Variants in IGBP1C observed in about 807,000 individuals in gnomAD.
The protein encoded by IGBP1C is immunoglobulin-binding protein 1 family member C.
At chr17:58,673,537 AT>A in the IGBP1C span, among the ~76,000 whole-genome samples, 2 of 149,104 alleles carry the variant, frequency 1.3e-5, no homozygotes, top group African/African-American at 5.0e-5. Flanking sequence ...ATTGTAACTT[AT>A]TTTTCTCTCT....
the IGBP1C span, among the ~76,000 whole-genome samples, chr17:58,687,795 T>G: frequency 6.6e-6 from 1 of 152,172 alleles, no homozygotes; most frequent in Non-Finnish European, 1.5e-5. Context: ...AGGTTAACTA[T>G]AGACATTAAC....
the IGBP1C span, among the ~76,000 whole-genome samples, chr17:58,689,847 ATT>A: frequency 0.15 from 20,571 of 141,120 alleles, 2,101 homozygotes; most frequent in East Asian, 0.31. Context: ...GGGCCAGAAG[ATT>A]TTTTTTTTTT....
At chr17:58,686,860 CCTTTTTTT>C in the IGBP1C span, among the ~76,000 whole-genome samples, 4 of 136,778 alleles carry the variant, frequency 2.9e-5, no homozygotes, top group African/African-American at 5.4e-5. Context: ...TGAAAGGTCA[CCTTTTTTT>C]TTTTTTTTTT....
chr17:58,674,905 G>A, the IGBP1C span, among the ~76,000 whole-genome samples: 2 of 151,566 alleles, frequency 1.3e-5, no homozygotes, highest in Non-Finnish European at 2.9e-5. Context: ...AGCACTGTGG[G>A]AGGCTGAGGG....
chr17:58,677,317 C>CTGAGT, the IGBP1C span, among the ~76,000 whole-genome samples: 3 of 152,024 alleles, frequency 2.0e-5, no homozygotes, highest in African/African-American at 7.2e-5. Flanking sequence ...GAAATCCTTC[C>CTGAGT]TGAGTTTGAT....
chr17:58,665,534 T>G, the IGBP1C span, among the ~76,000 whole-genome samples: 1 of 151,822 alleles, frequency 6.6e-6, no homozygotes, highest in Non-Finnish European at 1.5e-5. Context: ...AGGCGGAGGT[T>G]GCAGTGAGCC....
chr17:58,670,056 G>A, the IGBP1C span, among the ~76,000 whole-genome samples: 2 of 152,172 alleles, frequency 1.3e-5, no homozygotes, highest in East Asian at 1.9e-4. Flanking sequence ...GCCTTTGCCT[G>A]TGTAGTTCCC....
chr17:58,683,185 C>A, the IGBP1C span, among the ~76,000 whole-genome samples: 1 of 151,260 alleles, frequency 6.6e-6, no homozygotes, highest in Admixed American at 6.6e-5. Flanking sequence ...CCAGCCTGGG[C>A]AACATAGCAA....
the IGBP1C span, chr17:58,661,551 G>A: frequency 1.3e-6 from 1 of 751,822 alleles, no homozygotes; most frequent in Non-Finnish European, 2.5e-6. Context: ...GAATCGAACA[G>A]CTCGGGGAGC....
At chr17:58,684,681 A>AGC in the IGBP1C span, among the ~76,000 whole-genome samples, 2 of 147,026 alleles carry the variant, frequency 1.4e-5, no homozygotes, top group Non-Finnish European at 3.0e-5. Flanking sequence ...AAATAAATAA[A>AGC]AAGCTTTCTT....
chr17:58,683,117 A>T, the IGBP1C span, among the ~76,000 whole-genome samples: 1 of 151,870 alleles, frequency 6.6e-6, no homozygotes, highest in East Asian at 1.9e-4. Context: ...TCACGCCTGT[A>T]ATCCCAGCAG....
chr17:58,679,014 C>T, the IGBP1C span, among the ~76,000 whole-genome samples: 3 of 151,708 alleles, frequency 2.0e-5, no homozygotes, highest in East Asian at 3.9e-4. Context: ...ATTAGCAAGG[C>T]GTGGTGGCGT....
the IGBP1C span, among the ~76,000 whole-genome samples, chr17:58,668,495 T>C: frequency 1.6e-4 from 24 of 152,324 alleles, no homozygotes; most frequent in African/African-American, 5.8e-4. Flanking sequence ...CAATGCCCAC[T>C]GAAGGCTCAG....
the IGBP1C span, among the ~76,000 whole-genome samples, chr17:58,683,951 G>C: frequency 4.0e-5 from 6 of 151,780 alleles, no homozygotes; most frequent in South Asian, 1.0e-3. Context: ...TGTCATCCCA[G>C]CTACTCGGGA....
At chr17:58,660,660 G>C in the IGBP1C span, 6 of 784,476 alleles carry the variant, frequency 7.6e-6, no homozygotes, top group Non-Finnish European at 1.4e-5. Context: ...TGGAGTGTTT[G>C]TTCATCATCC....
chr17:58,665,906 G>C, the IGBP1C span, among the ~76,000 whole-genome samples: 1 of 151,870 alleles, frequency 6.6e-6, no homozygotes, highest in Non-Finnish European at 1.5e-5. Context: ...AACTAGCCAC[G>C]CGTGGTGGCG....
the IGBP1C span, among the ~76,000 whole-genome samples, chr17:58,662,401 A>C: frequency 7.1e-6 from 1 of 140,214 alleles, no homozygotes; most frequent in African/African-American, 2.6e-5. Context: ...GTACAGATAT[A>C]TAGCACACAT....
At chr17:58,675,141 C>T in the IGBP1C span, 7 of 149,646 alleles carry the variant, frequency 4.7e-5, no homozygotes, top group East Asian at 1.4e-3. Context: ...GGGAAACCAT[C>T]TCCAAAAAAA....
At chr17:58,668,105 C>A in the IGBP1C span, among the ~76,000 whole-genome samples, 3 of 152,094 alleles carry the variant, frequency 2.0e-5, no homozygotes, top group South Asian at 6.2e-4. Context: ...CTGATCACCC[C>A]AGCCTGTCTT....
Sources: gnomAD v4.1 joint callset for allele counts (sites outside exome capture counted in the v4.1 genomes callset) on GRCh38, gnomAD v4.1.1 for gene constraint, MANE v1.5 for transcripts, NCBI Gene and HGNC (gene_info 2026-07-23, HGNC 2026-07-21) for gene names.